The following CDK14 variants were observed in gnomAD, a reference collection of about 807,000 sequenced individuals.
CDK14 encodes cyclin dependent kinase 14.
Under a neutral mutation model 60.7 loss-of-function variants are expected in CDK14, and 34 were observed. That is an observed-to-expected ratio of 0.56 (90% CI 0.43 to 0.75). The LOEUF is 0.75. Among genes scored for constraint, CDK14 ranks in the 30% least tolerant of loss-of-function variants. CDK14 has a pLI of 0.00. For synonymous variants in CDK14, 197 were observed against 203.7 expected, an observed-to-expected ratio of 0.97 and a Z score of 0.28; for missense variants, 482 against 564.1, an observed-to-expected ratio of 0.85 and a Z score of 1.47.
chr7:90,743,656 A>G (rs899983006), intron 3 of CDK14, among the ~76,000 whole-genome samples: 3 of 151,982 alleles, frequency 2.0e-5, no homozygotes, highest in African/African-American at 7.2e-5. Flanking sequence ...GATACATTTC[A>G]AAACTATGTT....
chr7:91,199,124 C>T (rs1274513453), intron 14 of CDK14, among the ~76,000 whole-genome samples: 1 of 152,062 alleles, frequency 6.6e-6, no homozygotes, highest in African/African-American at 2.4e-5. Context: ...GAGTCAGTCA[C>T]TTGTAAAGGT....
chr7:91,056,566 A>T lies in CDK14; in HGVS notation c.1105+10606A>T, dbSNP rs568736565. 9.1e-5 allele frequency among the ~76,000 whole-genome samples: 4 copies of T among 43,970 alleles called. No individual in the cohort carries two copies. In the East Asian group the frequency reaches 2.6e-3, roughly 29 times the overall value. The allele number at this position is 43,970 out of a possible 152,430, so 28.8% of individuals were successfully genotyped here. A position where few individuals can be genotyped will look rare whatever the true frequency, so the allele number is the denominator to read the frequency against. On this transcript the variant is annotated intron_variant, in intron 11 of 14. Transcript: ENST00000380050. ...AATGCTATCCCTCCCGCCTCCCCCC[A>T]CCCCACAACAGGCCCCGGCGTGTGA... is the stretch of plus-strand genomic sequence containing the variant.
chr7:91,060,947 GC>G (rs1217924101), intron 11 of CDK14, among the ~76,000 whole-genome samples: 6 of 152,148 alleles, frequency 3.9e-5, no homozygotes, highest in African/African-American at 1.4e-4. Flanking sequence ...ATTTTGGCCT[GC>G]CTTGCTAGAT....
chr7:90,794,091 G>A (rs1805945224), intron 5 of CDK14, among the ~76,000 whole-genome samples: 1 of 152,018 alleles, frequency 6.6e-6, no homozygotes, highest in African/African-American at 2.4e-5. Context: ...TCACATGTTG[G>A]CAGGTTCCAT....
In CDK14 at chr7:90,731,800, C is replaced by G. The variant is rs150966390; in HGVS notation, c.369+4988C>G. On this transcript the variant is annotated intron_variant, in intron 3 of 14. Coordinates refer to ENST00000380050, the MANE Select transcript of CDK14 (RefSeq NM_001287135.2). The stretch of plus-strand genomic sequence containing the variant: ...GTCTCTGCAAACAGAGGCAATTTGA[C>G]TTCCTGTTTTCCTAATTGAATACAC... 5.7e-3 allele frequency among the ~76,000 whole-genome samples: 866 copies of G among 152,284 alleles called. 15 individuals are homozygous for G. Among genetic ancestry groups the G allele is most frequent in the African/African-American group, 0.02 (820 of 41,548 alleles).
At chr7:91,174,115 C>T (rs541356986) in intron 14 of CDK14, among the ~76,000 whole-genome samples, 51 of 152,078 alleles carry the variant, frequency 3.4e-4, no homozygotes, top group East Asian at 5.8e-4. Context: ...GATCTGAGAA[C>T]GGGCAGACTG....
intron 14 of CDK14, among the ~76,000 whole-genome samples, chr7:91,165,513 C>T (rs546403345): frequency 9.2e-5 from 14 of 152,244 alleles, no homozygotes; most frequent in Admixed American, 3.3e-4. Context: ...TCCAGGACTC[C>T]TTTCAACTCC....
In CDK14 at chr7:90,743,319, C is replaced by T. The variant is rs531953744; in HGVS notation, c.370-4362C>T. Among the ~76,000 whole-genome samples, 309 of 152,050 alleles carry T rather than the reference C, an allele frequency of 2.0e-3. 13 individuals carry two copies. Among genetic ancestry groups the T allele is most frequent in the Non-Finnish European group, 1.2e-3 (81 of 67,930 alleles). ...AAAATCTACTCATTTAGCAGGAATC[C>T]CAAATAGAGTACAATGTTGTTAATT... On this transcript the variant is annotated intron_variant, in intron 3 of 14. Coordinates refer to ENST00000380050, the MANE Select transcript of CDK14 (RefSeq NM_001287135.2).
chr7:90,646,113 G>A (rs1250398197), intron 2 of CDK14, among the ~76,000 whole-genome samples: 1 of 152,100 alleles, frequency 6.6e-6, no homozygotes, highest in African/African-American at 2.4e-5. Flanking sequence ...CCTTGCCACT[G>A]TTTGCCTAAA....
intron 2 of CDK14, among the ~76,000 whole-genome samples, chr7:90,646,593 T>C (rs1347463963): frequency 1.3e-5 from 2 of 152,194 alleles, no homozygotes; most frequent in African/African-American, 4.8e-5. Context: ...GAGATAACTA[T>C]GAACAGCATT....
chr7:90,626,965 A>T (rs545646389), intron 2 of CDK14, among the ~76,000 whole-genome samples: 45 of 151,998 alleles, frequency 3.0e-4, no homozygotes, highest in South Asian at 8.3e-4. Flanking sequence ...CAAAAACAGC[A>T]AAAAACAAAA....
At chr7:91,086,927 G>A (rs899972796) in intron 12 of CDK14, among the ~76,000 whole-genome samples, 1 of 152,012 alleles carries the variant, frequency 6.6e-6, no homozygotes, top group Admixed American at 6.6e-5. Flanking sequence ...AACACTATTC[G>A]CTTTTAGCGT....
At chr7:90,776,663 G>A (rs956900269) in intron 4 of CDK14, among the ~76,000 whole-genome samples, 2 of 152,312 alleles carry the variant, frequency 1.3e-5, no homozygotes, top group South Asian at 2.1e-4. Flanking sequence ...CAGAACAAAT[G>A]TAGATGTGAA....
In CDK14 at chr7:90,974,303, A is replaced by G. The variant is rs565651031; in HGVS notation, c.948-9845A>G. Reference sequence around the variant, plus strand: ...CCCTGATTTCATATTGTTCAAACACACATGTTTTACAAACAATTTGTACAG... The same window carrying G: ...CCCTGATTTCATATTGTTCAAACACGCATGTTTTACAAACAATTTGTACAG... On this transcript the variant is annotated intron_variant, in intron 9 of 14. Transcript: ENST00000380050. Among the ~76,000 whole-genome samples the G allele has an allele frequency of 3.4e-5, 5 of 147,572 alleles. No individual in the cohort carries two copies. The South Asian group carries it at 1.1e-3, about 31-fold the overall frequency.
chr7:90,596,507 C>G lies in CDK14; in HGVS notation c.-121C>G. On this transcript the variant is annotated 5_prime_UTR_variant, in exon 1 of 15. Coordinates refer to ENST00000380050, the MANE Select transcript of CDK14 (RefSeq NM_001287135.2). Reference sequence around the variant, plus strand: ...CTCCCTAGACCTGCGCGTCGCTTCCCGGCCCGCCGAGGAGGTGGTGGAGGA... The same window carrying G: ...CTCCCTAGACCTGCGCGTCGCTTCCGGGCCCGCCGAGGAGGTGGTGGAGGA... The G allele has an allele frequency of 1.2e-5, 9 of 764,740 alleles. 1 individual carries two copies. The South Asian group carries it at 1.4e-4, about 12-fold the overall frequency. The allele number at this position is 764,740 out of a possible 1,614,324, so 47.4% of individuals were successfully genotyped here. A position where few individuals can be genotyped will look rare whatever the true frequency, so the allele number is the denominator to read the frequency against.
intron 10 of CDK14, among the ~76,000 whole-genome samples, chr7:91,038,765 C>T (rs569840783): frequency 2.6e-5 from 4 of 152,104 alleles, no homozygotes; most frequent in East Asian, 1.9e-4. Context: ...TAATATTTCT[C>T]GTAATAGTGA....
chr7:90,896,665 A>T (rs557475529), intron 6 of CDK14, among the ~76,000 whole-genome samples: 23 of 152,320 alleles, frequency 1.5e-4, no homozygotes, highest in Admixed American at 1.3e-3. Context: ...TAAACTCTGC[A>T]AATTGAGCAA....
intron 14 of CDK14, among the ~76,000 whole-genome samples, chr7:91,204,250 C>T (rs1562993709): frequency 6.6e-6 from 1 of 152,104 alleles, no homozygotes; most frequent in Non-Finnish European, 1.5e-5. Context: ...GTTACCCCTA[C>T]CTCATACCAT....
At chr7:90,838,263 A>T (rs1362328175) in intron 5 of CDK14, among the ~76,000 whole-genome samples, 1 of 152,190 alleles carries the variant, frequency 6.6e-6, no homozygotes, top group Non-Finnish European at 1.5e-5. Flanking sequence ...ATACTTTTAT[A>T]ATTTCCTATG....
Sources: allele counts gnomAD v4.1 joint callset (sites outside exome capture counted in the v4.1 genomes callset), GRCh38; gene constraint gnomAD v4.1.1; transcripts MANE v1.5; gene names NCBI Gene and HGNC (gene_info 2026-07-23, HGNC 2026-07-21).